Variants in PRP4K observed in about 807,000 individuals in gnomAD.
The protein encoded by PRP4K is serine/threonine-protein kinase PRP4 homolog.
the PRP4K span, among the ~76,000 whole-genome samples, chr6:4,027,275 A>G: frequency 1.3e-5 from 2 of 152,274 alleles, no homozygotes; most frequent in Admixed American, 1.3e-4. Flanking sequence ...ATGGAGAGAC[A>G]TTTCTTGAAC....
At chr6:4,048,731 C>T in the PRP4K span, among the ~76,000 whole-genome samples, 3 of 149,160 alleles carry the variant, frequency 2.0e-5, no homozygotes, top group Non-Finnish European at 3.0e-5. Context: ...CTACACCTGG[C>T]GCTTTTTTTT....
the PRP4K span, chr6:4,049,371 A>G: frequency 4.3e-6 from 2 of 461,702 alleles, no homozygotes; most frequent in African/African-American, 4.0e-5. Context: ...AGTCTTCCAG[A>G]AGGAAGGGGT....
the PRP4K span, among the ~76,000 whole-genome samples, chr6:4,029,887 C>T: frequency 1.3e-5 from 2 of 151,232 alleles, no homozygotes; most frequent in African/African-American, 4.9e-5. Flanking sequence ...TTCCACCAGA[C>T]ATTAATTTCT....
At chr6:4,050,809 TATTGACAAATTGTA>T in the PRP4K span, among the ~76,000 whole-genome samples, 1 of 152,228 alleles carries the variant, frequency 6.6e-6, no homozygotes, top group Non-Finnish European at 1.5e-5. Flanking sequence ...AAATGTAGCT[TATTGACAAATTGTA>T]ACAAGAATTT....
chr6:4,034,758 G>A, the PRP4K span, among the ~76,000 whole-genome samples: 2 of 151,538 alleles, frequency 1.3e-5, no homozygotes, highest in South Asian at 4.2e-4. Flanking sequence ...CTGTTGCCAG[G>A]CTGGAGTGCA....
At chr6:4,031,180 G>A in the PRP4K span, among the ~76,000 whole-genome samples, 1,844 of 152,292 alleles carry the variant, frequency 0.012, 15 homozygotes, top group Middle Eastern at 0.058. Flanking sequence ...TTGTTAATGT[G>A]TGAGAAATGT....
At chr6:4,021,450 C>T in the PRP4K span, 4 of 1,585,204 alleles carry the variant, frequency 2.5e-6, no homozygotes, top group Non-Finnish European at 3.4e-6. Flanking sequence ...GACCCAGTCG[C>T]TACGGGAGCA....
the PRP4K span, chr6:4,042,703 G>T: frequency 1.7e-6 from 1 of 603,452 alleles, no homozygotes; most frequent in Non-Finnish European, 2.7e-6. Flanking sequence ...TGTGAAGTTT[G>T]AAAAAATGAT....
the PRP4K span, among the ~76,000 whole-genome samples, chr6:4,058,389 G>A: frequency 6.6e-6 from 1 of 152,140 alleles, no homozygotes. Flanking sequence ...AACTGCCAAG[G>A]AGAAAAAACC....
chr6:4,058,538 GTTT>G, the PRP4K span, among the ~76,000 whole-genome samples: 1 of 152,170 alleles, frequency 6.6e-6, no homozygotes, highest in South Asian at 2.1e-4. Context: ...TTATTAAGTA[GTTT>G]TAGGTACAGC....
chr6:4,053,274 C>G, the PRP4K span, among the ~76,000 whole-genome samples: 2 of 152,150 alleles, frequency 1.3e-5, no homozygotes, highest in Non-Finnish European at 2.9e-5. Flanking sequence ...CCTGGGGGCT[C>G]AAACACAATA....
chr6:4,051,999 T>C, the PRP4K span: 1 of 1,598,328 alleles, frequency 6.3e-7, no homozygotes, highest in African/African-American at 1.3e-5. Flanking sequence ...TGAAAAAACT[T>C]AATGATGCTG....
chr6:4,056,210 C>A, the PRP4K span: 1 of 697,690 alleles, frequency 1.4e-6, no homozygotes, highest in South Asian at 2.0e-5. Flanking sequence ...AAATGAATGT[C>A]TTTGTTCTCA....
the PRP4K span, chr6:4,031,760 A>G: frequency 2.5e-6 from 4 of 1,604,246 alleles, no homozygotes; most frequent in Non-Finnish European, 3.4e-6. Flanking sequence ...ACAAAAGAAA[A>G]GAGATTATTG....
chr6:4,044,845 GTTA>G, the PRP4K span, among the ~76,000 whole-genome samples: 39 of 135,206 alleles, frequency 2.9e-4, no homozygotes, highest in Middle Eastern at 3.7e-3. Context: ...ACAATATATG[GTTA>G]TTATTATTAT....
the PRP4K span, among the ~76,000 whole-genome samples, chr6:4,024,791 C>T: frequency 1.3e-5 from 2 of 152,016 alleles, no homozygotes; most frequent in East Asian, 1.9e-4. Context: ...TTAGTAGAGA[C>T]GGGATTTCAC....
chr6:4,046,078 T>C, the PRP4K span, among the ~76,000 whole-genome samples: 3 of 152,250 alleles, frequency 2.0e-5, no homozygotes, highest in Non-Finnish European at 4.4e-5. Flanking sequence ...TGTCTATTCA[T>C]TGGGTACTGA....
At chr6:4,027,598 GGT>G in the PRP4K span, among the ~76,000 whole-genome samples, 2,994 of 116,624 alleles carry the variant, frequency 0.026, 236 homozygotes, top group East Asian at 0.074. Context: ...TTGGCGGAGG[GGT>G]GGGGGGGTGG....
the PRP4K span, among the ~76,000 whole-genome samples, chr6:4,044,863 A>ATTT: frequency 0.36 from 46,987 of 131,866 alleles, 9,619 homozygotes; most frequent in East Asian, 0.56. Flanking sequence ...TATTATTATT[A>ATTT]TTTTTTTTTT....
Sources: gnomAD v4.1 joint callset for allele counts (sites outside exome capture counted in the v4.1 genomes callset) on GRCh38, gnomAD v4.1.1 for gene constraint, MANE v1.5 for transcripts, NCBI Gene and HGNC (gene_info 2026-07-23, HGNC 2026-07-21) for gene names.